Variants in BCAS1 observed in about 807,000 individuals in gnomAD.
BCAS1 encodes the protein brain enriched myelin associated protein 1.
Under a neutral mutation model 65.4 loss-of-function variants are expected in BCAS1, and 46 were observed. The ratio of observed to expected loss-of-function variants is 0.70; its 90% CI spans 0.55 to 0.90. BCAS1 has a LOEUF of 0.90. Ranked by LOEUF, BCAS1 falls within the 40% of genes least tolerant of loss-of-function variation. The pLI is 0.00. For synonymous variants in BCAS1, 298 were observed against 293.5 expected (o/e 1.02, Z -0.16); for missense variants, 793 against 771.2 (o/e 1.03, Z -0.33).
Position 53,953,570 on chromosome 20 carries a change from G to T in BCAS1, c.1677C>A (p.Ser559Arg). The T allele has an allele frequency of 6.2e-7, 1 of 1,613,814 alleles. No homozygotes were observed. Among genetic ancestry groups the T allele is most frequent in the Non-Finnish European group, 8.5e-7 (1 of 1,179,982 alleles). The change falls in exon 12 of 13, where the codon AGC (serine) becomes AGA (arginine). Residue 559 changes from serine (S) to arginine (R), a missense_variant. Ser to Arg is a moderately radical substitution (Grantham distance 110). Transcript: ENST00000688948. ...KSAAEMNKQK[S>R]NKQEAKEPAQ... ...CTGGTTCTTTGGCTTCCTGCTTGTT[G>T]CTCTTCTGCTTGTTCATCTCGGCTG... is the stretch of plus-strand genomic sequence containing the variant.
intron 3 of BCAS1, among the ~76,000 whole-genome samples, chr20:54,042,778 G>A (rs1460098119): frequency 6.6e-6 from 1 of 152,218 alleles, no homozygotes; most frequent in African/African-American, 2.4e-5. Flanking sequence ...AAGAAAAAAT[G>A]AAAGTAGGGA....
intron 4 of BCAS1, among the ~76,000 whole-genome samples, chr20:54,005,731 G>T (rs1419457033): frequency 6.6e-6 from 1 of 152,170 alleles, no homozygotes; most frequent in Non-Finnish European, 1.5e-5. Flanking sequence ...GAGACTTGAA[G>T]ATGAAGCAGC....
At chr20:53,982,300 C>T (rs1045923593) in intron 8 of BCAS1, among the ~76,000 whole-genome samples, 1 of 152,136 alleles carries the variant, frequency 6.6e-6, no homozygotes, top group African/African-American at 2.4e-5. Flanking sequence ...CCAATTTACT[C>T]AGAACAATAA....
rs2090303725 is a variant in BCAS1, at chr20:53,975,386, T to C, written c.1317+3A>G. ...TGATTCTGCCGTGGTGTGTGTAACT[T>C]ACATTCTCCTCCGCACCTGTGGGGA... On this transcript the variant is annotated splice_donor_region_variant and intron_variant, in intron 9 of 12. Transcript: ENST00000688948. The C allele has an allele frequency of 6.2e-7, 1 of 1,611,578 alleles. No homozygotes were observed. Among genetic ancestry groups the C allele is most frequent in the South Asian group, 1.1e-5 (1 of 91,018 alleles).
At chr20:54,057,715 C>G (rs763680889) in intron 3 of BCAS1, among the ~76,000 whole-genome samples, 1 of 152,204 alleles carries the variant, frequency 6.6e-6, no homozygotes, top group African/African-American at 2.4e-5. Context: ...TCCAACATGA[C>G]TGCTTCCATA....
At chr20:54,020,626 G>A (rs893434676) in intron 4 of BCAS1, among the ~76,000 whole-genome samples, 5 of 152,180 alleles carry the variant, frequency 3.3e-5, no homozygotes, top group African/African-American at 7.2e-5. Context: ...GCCAACATGT[G>A]CCAGCCATTG....
At position 53,992,760 on chromosome 20, in the gene BCAS1, CA is replaced by C. The variant is rs2090796208; in HGVS notation, c.928-115del. ...CTGTGACAATTAACTGTTGGTACAC[CA>C]TCCCCTCTTCTAACCACAAAACACC... On this transcript the variant is annotated intron_variant, in intron 6 of 12. Transcript: ENST00000688948. 2.9e-6 allele frequency: 3 copies of C among 1,029,590 alleles called. No individual in the cohort carries two copies. The Admixed American group carries it at 8.1e-5, about 28-fold the overall frequency. 63.8% of individuals were successfully genotyped at this position (1,029,590 alleles called of 1,614,324 possible). A position where few individuals can be genotyped will look rare whatever the true frequency, so the allele number is the denominator to read the frequency against.
At chr20:53,980,956 T>TA (rs1356748495) in intron 8 of BCAS1, among the ~76,000 whole-genome samples, 1 of 152,204 alleles carries the variant, frequency 6.6e-6, no homozygotes, top group Non-Finnish European at 1.5e-5. Context: ...ACAGTGACAA[T>TA]AAAAAATCTA....
chr20:54,031,649 A>G (rs1568899754), intron 3 of BCAS1, among the ~76,000 whole-genome samples: 1 of 151,466 alleles, frequency 6.6e-6, no homozygotes, highest in Admixed American at 6.6e-5. Flanking sequence ...TCCAGGAAGC[A>G]GATACCCAAT....
chr20:53,995,850 T>C (rs2090892382), intron 5 of BCAS1, 42 bp downstream of exon 5: 35 of 1,533,476 alleles, frequency 2.3e-5, no homozygotes, highest in Middle Eastern at 1.8e-4. Flanking sequence ...ACAAAACTTT[T>C]GAGCAATAGA....
intron 4 of BCAS1, among the ~76,000 whole-genome samples, chr20:54,008,901 C>A (rs1242970423): frequency 6.6e-6 from 1 of 151,864 alleles, no homozygotes; most frequent in African/African-American, 2.4e-5. Flanking sequence ...GCAGCCTCTG[C>A]CTACCGGGTT....
At chr20:53,973,404 C>T (rs576245707) in intron 9 of BCAS1, among the ~76,000 whole-genome samples, 3 of 152,182 alleles carry the variant, frequency 2.0e-5, no homozygotes, top group African/African-American at 2.4e-5. Flanking sequence ...TTTGTGTTAT[C>T]GTTTGGTGTC....
chr20:53,989,581 C>T (rs2090703468), intron 7 of BCAS1, among the ~76,000 whole-genome samples: 1 of 152,234 alleles, frequency 6.6e-6, no homozygotes, highest in Non-Finnish European at 1.5e-5. Flanking sequence ...ATATTTCCAG[C>T]CACCCACCCC....
rs183070162 is a variant in BCAS1, at chr20:54,066,294, G to C, written c.-6+4139C>G. On this transcript the variant is annotated intron_variant, in intron 1 of 12. Coordinates refer to ENST00000688948, the MANE Select transcript of BCAS1 (RefSeq NM_001366298.2). ...TCCCCGTGTTAGCCAGGATGGTCTC[G>C]ATCTCCTGACCTCGTGATCCGCCCG... 5.4e-3 allele frequency among the ~76,000 whole-genome samples: 829 copies of C among 152,204 alleles called. 4 individuals carry two copies. Among genetic ancestry groups the C allele is most frequent in the Non-Finnish European group, 8.0e-3 (546 of 67,990 alleles).
rs920376062 is a variant in BCAS1, at chr20:53,969,237, C to T, written c.1318-2164G>A. 2.6e-5 allele frequency among the ~76,000 whole-genome samples: 4 copies of T among 152,092 alleles called. No individual in the cohort carries two copies. The East Asian group carries it at 7.7e-4, about 29-fold the overall frequency. ...TGTCTGCATATTAAATCAGGCAATA[C>T]ATGTCAAGTTCTTAGCACCATGCAC... On this transcript the variant is annotated intron_variant, in intron 9 of 12. Transcript: ENST00000688948.
intron 1 of BCAS1, among the ~76,000 whole-genome samples, chr20:54,063,578 C>A (rs1303621636): frequency 6.6e-6 from 1 of 152,220 alleles, no homozygotes; most frequent in African/African-American, 2.4e-5. Context: ...TTCTCATGAT[C>A]AGACACCTAT....
At chr20:53,977,257 T>A (rs208370) in intron 8 of BCAS1, among the ~76,000 whole-genome samples, 9 of 152,186 alleles carry the variant, frequency 5.9e-5, no homozygotes, top group African/African-American at 2.2e-4. Flanking sequence ...CAATTTGAGA[T>A]GAGATTTGGG....
At chr20:54,058,020 A>G in intron 3 of BCAS1, 65 bp downstream of exon 3, 1 of 1,164,488 alleles carries the variant, frequency 8.6e-7, no homozygotes, top group Admixed American at 2.1e-5. Context: ...TTTTCACCGT[A>G]AACAGCATCT....
chr20:53,965,062 G>T (rs1225549085), intron 10 of BCAS1, among the ~76,000 whole-genome samples: 1 of 151,898 alleles, frequency 6.6e-6, no homozygotes, highest in African/African-American at 2.4e-5. Context: ...GTAAAAATTG[G>T]TTTTAAAAAA....
Sources: allele counts gnomAD v4.1 joint callset (sites outside exome capture counted in the v4.1 genomes callset), GRCh38; gene constraint gnomAD v4.1.1; transcripts MANE v1.5; gene names NCBI Gene and HGNC (gene_info 2026-07-23, HGNC 2026-07-21).